Variants in FOXN3 observed in about 807,000 individuals in gnomAD.
FOXN3 encodes forkhead box N3.
In FOXN3, 7 loss-of-function variants were observed where a neutral mutation model predicts 38.4. That is an observed-to-expected ratio of 0.18 (90% CI 0.10 to 0.34). FOXN3 has a LOEUF of 0.34. FOXN3 is among the 10% of genes least tolerant of loss of function. FOXN3 has a pLI of 1.00. For synonymous variants in FOXN3, 230 were observed against 242.2 expected (o/e 0.95, Z 0.47); for missense variants, 456 against 613.4 (o/e 0.74, Z 2.71).
chr14:89,408,710 G>A (rs796928195), intron 2 of FOXN3, among the ~76,000 whole-genome samples: 14 of 151,600 alleles, frequency 9.2e-5, no homozygotes, highest in African/African-American at 1.5e-4. Context: ...AAGCCTAACC[G>A]TATTCTTCAC....
intron 1 of FOXN3, chr14:89,577,573 C>T (rs1320417196): frequency 6.6e-6 from 1 of 152,088 alleles, no homozygotes; most frequent in Non-Finnish European, 1.5e-5. Context: ...ATTCCCGGGG[C>T]AATCACGGGG....
intron 4 of FOXN3, among the ~76,000 whole-genome samples, chr14:89,264,231 A>C (rs1219880519): frequency 1.3e-5 from 2 of 152,124 alleles, no homozygotes; most frequent in Non-Finnish European, 2.9e-5. Context: ...GGTAATTTGT[A>C]AAGAAAAAGG....
chr14:89,539,726 C>G (rs542887825), intron 1 of FOXN3, among the ~76,000 whole-genome samples: 2 of 152,138 alleles, frequency 1.3e-5, no homozygotes, highest in African/African-American at 2.4e-5. Context: ...CAGCAGAGTA[C>G]TTAGCACAGA....
At chr14:89,386,982 C>A (rs921580993) in intron 2 of FOXN3, among the ~76,000 whole-genome samples, 1 of 152,216 alleles carries the variant, frequency 6.6e-6, no homozygotes, top group Admixed American at 6.5e-5. Context: ...GGGTGCCAGG[C>A]ATGGTGGCTC....
At position 89,362,779 on chromosome 14, in the gene FOXN3, ACCACCACCACCATCTCCACCACCACCT is replaced by A. The variant is rs1294637976; in HGVS notation, c.544-11998_544-11972del. Among the ~76,000 whole-genome samples the A allele has an allele frequency of 5.5e-4, 65 of 118,700 alleles. 1 individual carries two copies. The highest frequency in any genetic ancestry group is 9.5e-4 in the Non-Finnish European group (53 of 55,934). The allele number at this position is 118,700 out of a possible 152,430, so 77.9% of individuals were successfully genotyped here. ...CACCACCACCACCACCACCACCACC[ACCACCACCACCATCTCCACCACCACCT>A]CCACCACCACCACCACCAGGCCAGA... On this transcript the variant is annotated intron_variant, in intron 2 of 5. Coordinates refer to ENST00000557258, the MANE Select transcript of FOXN3 (RefSeq NM_005197.4).
chr14:89,339,299 T>C (rs1888549079), intron 3 of FOXN3, among the ~76,000 whole-genome samples: 1 of 152,106 alleles, frequency 6.6e-6, no homozygotes, highest in African/African-American at 2.4e-5. Flanking sequence ...TATGCCACAA[T>C]GAGTAACAAA....
chr14:89,316,956 C>A lies in FOXN3; in HGVS notation c.680+33716G>T, dbSNP rs188289208. 3.1e-3 allele frequency among the ~76,000 whole-genome samples: 467 copies of A among 152,270 alleles called. 3 individuals are homozygous for A. Among genetic ancestry groups the A allele is most frequent in the Admixed American group, 6.8e-3 (104 of 15,298 alleles). On this transcript the variant is annotated intron_variant, in intron 3 of 5. Coordinates refer to ENST00000557258, the MANE Select transcript of FOXN3 (RefSeq NM_005197.4). The stretch of plus-strand genomic sequence containing the variant: ...CTGGGATTACAGGAGTGAGCCACCA[C>A]ACCCGGCCACCAATGATGATTCTTT...
intron 4 of FOXN3, among the ~76,000 whole-genome samples, chr14:89,199,201 GA>G (rs1452849160): frequency 6.6e-6 from 1 of 152,190 alleles, no homozygotes; most frequent in African/African-American, 2.4e-5. Context: ...GATGAAGTGG[GA>G]AACAGGAGAC....
intron 1 of FOXN3, among the ~76,000 whole-genome samples, chr14:89,506,339 C>A: frequency 9.8e-6 from 1 of 101,802 alleles, no homozygotes; most frequent in South Asian, 3.5e-4. Flanking sequence ...GGGTCAGCCC[C>A]CCGCCCGGCC....
At position 89,412,192 on chromosome 14, in the gene FOXN3, G is replaced by A. The variant is rs563426067; in HGVS notation, c.285C>T (p.Pro95=). The A allele has an allele frequency of 1.2e-6, 2 of 1,613,560 alleles. No individual in the cohort carries two copies. The highest frequency in any genetic ancestry group is 1.3e-5 in the African/African-American group (1 of 74,862). The change falls in exon 2 of 6, where the codon CCC becomes CCT. Residue 95 remains proline (P), a synonymous_variant. Transcript: ENST00000557258. The surrounding 1 kb of genome is among the most constrained non-coding windows in gnomAD (Gnocchi z 4.7). ...SPVQDLDDDT[P]PSPAHSDMPY... The stretch of plus-strand genomic sequence containing the variant: ...GCATGTCAGAGTGGGCAGGGGATGG[G>A]GGGGTGTCATCGTCCAGGTCCTGGA...
intron 3 of FOXN3, among the ~76,000 whole-genome samples, chr14:89,333,697 A>G (rs940268880): frequency 2.2e-5 from 3 of 138,278 alleles, no homozygotes; most frequent in Admixed American, 7.8e-5. Flanking sequence ...GGTTGCAGTG[A>G]GCCGAGATGG....
At chr14:89,571,641 A>G (rs1016777428) in intron 1 of FOXN3, among the ~76,000 whole-genome samples, 4 of 152,274 alleles carry the variant, frequency 2.6e-5, no homozygotes, top group South Asian at 4.2e-4. Context: ...CAACTACTCA[A>G]CTCCACCACT....
rs971585960 is a variant in FOXN3, at chr14:89,488,210, G to A, written c.-14-75720C>T. ...CGATTCTCCTGCCTCAGCCTCCCCA[G>A]TAGCTGGGATCACAGGAGCCCACCA... On this transcript the variant is annotated intron_variant, in intron 1 of 6. Coordinates refer to the FOXN3 transcript ENST00000345097. 3.9e-5 allele frequency among the ~76,000 whole-genome samples: 6 copies of A among 151,922 alleles called. No homozygotes were observed. The South Asian group carries it at 1.3e-3, about 32-fold the overall frequency.
chr14:89,592,174 T>C (rs1895968848), intron 1 of FOXN3, among the ~76,000 whole-genome samples: 1 of 151,974 alleles, frequency 6.6e-6, no homozygotes, highest in African/African-American at 2.4e-5. Flanking sequence ...AGTAAGGCAA[T>C]AAGACAAAAA....
intron 4 of FOXN3, among the ~76,000 whole-genome samples, chr14:89,265,965 G>C (rs1885967273): frequency 6.6e-6 from 1 of 152,204 alleles, no homozygotes; most frequent in Admixed American, 6.5e-5. Context: ...TGGTGGTGAA[G>C]GAGGAGTGCA....
At chr14:89,437,406 T>C (rs1392468204) in intron 1 of FOXN3, among the ~76,000 whole-genome samples, 4 of 152,054 alleles carry the variant, frequency 2.6e-5, no homozygotes, top group Non-Finnish European at 4.4e-5. Flanking sequence ...GGGGGACAAA[T>C]ATCTCAACCT....
At position 89,567,158 on chromosome 14, in the gene FOXN3, T is replaced by C. The variant is rs974668913; in HGVS notation, c.-15+51870A>G. On this transcript the variant is annotated intron_variant, in intron 1 of 6. Coordinates refer to the FOXN3 transcript ENST00000345097. ...CAGCTAAAATCTCTTTTTAGAAAAT[T>C]ACCTGTTTCATCATCACCACCACAA... 5.9e-5 allele frequency among the ~76,000 whole-genome samples: 9 copies of C among 152,186 alleles called. No individual in the cohort carries two copies. The South Asian group carries it at 6.2e-4, about 11-fold the overall frequency.
At chr14:89,260,565 G>A (rs550895934) in intron 4 of FOXN3, among the ~76,000 whole-genome samples, 70 of 152,352 alleles carry the variant, frequency 4.6e-4, no homozygotes, top group African/African-American at 1.5e-3. Context: ...TCATGTGTAC[G>A]GCAATGGGCC....
chr14:89,530,914 T>C (rs2139835685), intron 1 of FOXN3, among the ~76,000 whole-genome samples: 1 of 147,892 alleles, frequency 6.8e-6, no homozygotes, highest in South Asian at 2.1e-4. Flanking sequence ...CGGCCTCTAT[T>C]TTTTATATTT....
Sources: gnomAD v4.1 joint callset for allele counts (sites outside exome capture counted in the v4.1 genomes callset) on GRCh38, gnomAD v4.1.1 for gene constraint, Gnocchi (gnomAD v3.1) non-coding constraint, MANE v1.5 for transcripts, NCBI Gene and HGNC (gene_info 2026-07-23, HGNC 2026-07-21) for gene names.